The following ARHGAP24 variants were observed in gnomAD, a reference collection of about 807,000 sequenced individuals.
ARHGAP24 encodes the protein Rho GTPase activating protein 24.
ARHGAP24 carries 50 observed loss-of-function variants against 76.4 expected under a neutral mutation model. The ratio of observed to expected loss-of-function variants is 0.65; its 90% CI spans 0.52 to 0.83. The LOEUF is 0.83. Among genes scored for constraint, ARHGAP24 ranks in the 40% least tolerant of loss-of-function variants. The pLI is 0.00. For missense variants in ARHGAP24, 930 were observed against 914.2 expected (o/e 1.02, Z -0.22); for synonymous variants, 345 against 323.3 (o/e 1.07, Z -0.72).
chr4:85,723,957 G>C (rs1198143282), intron 3 of ARHGAP24, among the ~76,000 whole-genome samples: 9 of 152,140 alleles, frequency 5.9e-5, no homozygotes, highest in Non-Finnish European at 1.3e-4. Flanking sequence ...CTTTATCTTT[G>C]CAAATGGGAA....
chr4:85,548,182 CT>C (rs1371462425), intron 1 of ARHGAP24, among the ~76,000 whole-genome samples: 3 of 152,128 alleles, frequency 2.0e-5, no homozygotes, highest in African/African-American at 7.2e-5. Context: ...GATTTCCTTA[CT>C]TTCTGGCACA....
chr4:85,882,291 A>T (rs933021432), intron 3 of ARHGAP24, among the ~76,000 whole-genome samples: 1 of 152,208 alleles, frequency 6.6e-6, no homozygotes, highest in African/African-American at 2.4e-5. Flanking sequence ...TGCAGATATT[A>T]TCAGTATCAT....
chr4:85,937,124 G>A (rs914288023), intron 4 of ARHGAP24, among the ~76,000 whole-genome samples: 1 of 152,210 alleles, frequency 6.6e-6, no homozygotes, highest in Admixed American at 6.5e-5. Flanking sequence ...CACCATGGCA[G>A]CACTTGGCTG....
chr4:85,803,779 A>C (rs1728674272), intron 3 of ARHGAP24, among the ~76,000 whole-genome samples: 1 of 152,182 alleles, frequency 6.6e-6, no homozygotes, highest in African/African-American at 2.4e-5. Context: ...TGGCTTTGCA[A>C]ACAGTGTGCC....
At chr4:85,598,092 A>G (rs573435173) in intron 2 of ARHGAP24, among the ~76,000 whole-genome samples, 26 of 152,110 alleles carry the variant, frequency 1.7e-4, no homozygotes, top group Non-Finnish European at 3.2e-4. Flanking sequence ...AAGTCTTACT[A>G]TTCATTATGC....
intron 3 of ARHGAP24, among the ~76,000 whole-genome samples, chr4:85,730,433 G>A (rs1006272595): frequency 3.5e-5 from 5 of 141,436 alleles, no homozygotes; most frequent in Admixed American, 7.4e-5. Context: ...TTGAGACAGG[G>A]TCTCACTCTG....
At chr4:85,949,059 A>G (rs1737450555) in intron 5 of ARHGAP24, among the ~76,000 whole-genome samples, 1 of 152,226 alleles carries the variant, frequency 6.6e-6, no homozygotes, top group African/African-American at 2.4e-5. Context: ...CAAGTTCACC[A>G]AGAATGTTCT....
chr4:85,882,104 G>A (rs1219506797), intron 3 of ARHGAP24, among the ~76,000 whole-genome samples: 1 of 152,036 alleles, frequency 6.6e-6, no homozygotes, highest in Non-Finnish European at 1.5e-5. Flanking sequence ...GAAGTTCTTA[G>A]TTAAGAATTC....
At chr4:85,615,551 T>A (rs1474495583) in intron 2 of ARHGAP24, among the ~76,000 whole-genome samples, 3 of 152,170 alleles carry the variant, frequency 2.0e-5, no homozygotes, top group African/African-American at 7.2e-5. Flanking sequence ...TTTCCACAAT[T>A]CTCAGTTGAC....
At chr4:85,647,007 T>G (rs1452730988) in intron 2 of ARHGAP24, among the ~76,000 whole-genome samples, 2 of 152,066 alleles carry the variant, frequency 1.3e-5, no homozygotes, top group Non-Finnish European at 2.9e-5. Context: ...GCAACTAAGT[T>G]GAGAATATAA....
intron 2 of ARHGAP24, among the ~76,000 whole-genome samples, chr4:85,662,178 G>A (rs916777887): frequency 6.6e-6 from 1 of 152,122 alleles, no homozygotes; most frequent in African/African-American, 2.4e-5. Context: ...TCCAGCACCT[G>A]TTGTTTCCTG....
intron 1 of ARHGAP24, among the ~76,000 whole-genome samples, chr4:85,505,306 T>C (rs1347850089): frequency 1.3e-5 from 2 of 152,230 alleles, no homozygotes; most frequent in African/African-American, 4.8e-5. Flanking sequence ...GATAATATCC[T>C]GAAGAGTGTT....
intron 3 of ARHGAP24, among the ~76,000 whole-genome samples, chr4:85,813,000 T>C (rs537458143): frequency 6.6e-6 from 1 of 152,290 alleles, no homozygotes; most frequent in East Asian, 1.9e-4. Flanking sequence ...CTTAGACATA[T>C]GTCTGTCAAC....
At chr4:85,627,563 A>G (rs1218997386) in intron 2 of ARHGAP24, among the ~76,000 whole-genome samples, 2 of 152,184 alleles carry the variant, frequency 1.3e-5, no homozygotes, top group Non-Finnish European at 2.9e-5. Flanking sequence ...TCAGATCTCA[A>G]GCTGCGTGCT....
At chr4:85,888,274 A>T (rs1352234603) in intron 3 of ARHGAP24, among the ~76,000 whole-genome samples, 1 of 151,870 alleles carries the variant, frequency 6.6e-6, no homozygotes, top group African/African-American at 2.4e-5. Flanking sequence ...GGTGGCGCAC[A>T]CTTGTAATCC....
intron 3 of ARHGAP24, among the ~76,000 whole-genome samples, chr4:85,809,415 A>G (rs979225887): frequency 1.3e-5 from 2 of 152,210 alleles, no homozygotes; most frequent in African/African-American, 4.8e-5. Flanking sequence ...CAGCAAATGA[A>G]TTATTCATAT....
intron 3 of ARHGAP24, among the ~76,000 whole-genome samples, chr4:85,894,686 G>A (rs1422053428): frequency 1.3e-5 from 2 of 152,054 alleles, no homozygotes; most frequent in African/African-American, 4.8e-5. Context: ...GGAGCCAGGT[G>A]AGGTGGCTCA....
chr4:85,779,042 T>C, intron 3 of ARHGAP24: 11 of 942,578 alleles, frequency 1.2e-5, no homozygotes, highest in Non-Finnish European at 1.4e-5. Flanking sequence ...TTGACCTTTT[T>C]TTCCTCCCTC....
chr4:85,720,093 A>G (rs1281154692), intron 2 of ARHGAP24, among the ~76,000 whole-genome samples: 1 of 150,244 alleles, frequency 6.7e-6, no homozygotes, highest in African/African-American at 2.4e-5. Context: ...GAAGGGGGAC[A>G]TCACCCACCG....
Sources: gnomAD v4.1 joint callset for allele counts (sites outside exome capture counted in the v4.1 genomes callset) on GRCh38, gnomAD v4.1.1 for gene constraint, MANE v1.5 for transcripts, NCBI Gene and HGNC (gene_info 2026-07-23, HGNC 2026-07-21) for gene names.